The following PACRG variants were observed in gnomAD, a reference collection of about 807,000 sequenced individuals.
The protein encoded by PACRG is parkin coregulated.
PACRG carries 29 observed loss-of-function variants against 29.7 expected under a neutral mutation model. The ratio of observed to expected loss-of-function variants is 0.98; its 90% confidence interval spans 0.73 to 1.33. The LOEUF is 1.33. Ranked by LOEUF, PACRG falls within the 40% of genes most tolerant of loss-of-function variation. The pLI is 0.00. For synonymous variants in PACRG, 116 were observed against 118.7 expected, an observed-to-expected ratio of 0.98 and a Z score of 0.15; for missense variants, 279 against 316.2, an observed-to-expected ratio of 0.88 and a Z score of 0.89.
intron 4 of PACRG, among the ~76,000 whole-genome samples, chr6:163,218,113 G>A (rs770164918): frequency 5.3e-5 from 8 of 152,014 alleles, no homozygotes; most frequent in East Asian, 1.9e-4. Context: ...CATTCTTTGC[G>A]AATAAATTAG....
At chr6:163,189,299 G>A (rs1001787669) in intron 4 of PACRG, 1 of 152,192 alleles carries the variant, frequency 6.6e-6, no homozygotes, top group Non-Finnish European at 1.5e-5. Flanking sequence ...TTTAGTTAGT[G>A]CAATTCTGTA....
At chr6:162,795,298 T>C (rs1785284407) in intron 1 of PACRG, among the ~76,000 whole-genome samples, 1 of 152,182 alleles carries the variant, frequency 6.6e-6, no homozygotes, top group East Asian at 1.9e-4. Context: ...ACACTTATTC[T>C]TTCTTTTTTC....
chr6:162,969,168 G>C (rs767022657), intron 2 of PACRG, among the ~76,000 whole-genome samples: 16 of 151,560 alleles, frequency 1.1e-4, no homozygotes, highest in Non-Finnish European at 2.2e-4. Context: ...TGTAGTACTT[G>C]GTATAGATTT....
At chr6:162,822,140 C>T (rs1469152336) in intron 2 of PACRG, among the ~76,000 whole-genome samples, 3 of 152,140 alleles carry the variant, frequency 2.0e-5, no homozygotes, top group African/African-American at 7.2e-5. Context: ...CATACTGCCA[C>T]AGGAATTCTA....
intron 4 of PACRG, among the ~76,000 whole-genome samples, chr6:163,234,221 G>A (rs1005772367): frequency 2.2e-5 from 3 of 133,648 alleles, no homozygotes; most frequent in Non-Finnish European, 4.7e-5. Flanking sequence ...AATTTGATCT[G>A]CAATGTTTGA....
chr6:163,201,044 T>C (rs949143115), intron 4 of PACRG, among the ~76,000 whole-genome samples: 2 of 152,174 alleles, frequency 1.3e-5, no homozygotes, highest in African/African-American at 4.8e-5. Flanking sequence ...TGGCCACGGT[T>C]TCCTGTGCTC....
At chr6:163,098,755 C>A (rs1019400179) in intron 4 of PACRG, among the ~76,000 whole-genome samples, 1 of 152,106 alleles carries the variant, frequency 6.6e-6, no homozygotes, top group African/African-American at 2.4e-5. Flanking sequence ...ACAGAGCAGC[C>A]CCAAGGGCTG....
chr6:163,217,009 C>G (rs1412385409), intron 4 of PACRG, among the ~76,000 whole-genome samples: 1 of 152,154 alleles, frequency 6.6e-6, no homozygotes, highest in African/African-American at 2.4e-5. Context: ...TTTGAAATAC[C>G]CACAAGCATT....
At chr6:162,734,155 A>G (rs1779982438) in intron 1 of PACRG, among the ~76,000 whole-genome samples, 2 of 152,254 alleles carry the variant, frequency 1.3e-5, no homozygotes, top group Admixed American at 1.3e-4. Context: ...ATGATGTTAT[A>G]TAGATATTAA....
chr6:162,936,644 T>G (rs898567197), intron 2 of PACRG, among the ~76,000 whole-genome samples: 1 of 152,142 alleles, frequency 6.6e-6, no homozygotes, highest in Admixed American at 6.5e-5. Context: ...TCCATTATAA[T>G]TTTATATTTT....
intron 2 of PACRG, among the ~76,000 whole-genome samples, chr6:162,876,308 A>G (rs1439052248): frequency 6.6e-6 from 1 of 152,376 alleles, no homozygotes; most frequent in East Asian, 1.9e-4. Flanking sequence ...ACTGGAAACC[A>G]TCACTCTCTT....
intron 4 of PACRG, among the ~76,000 whole-genome samples, chr6:163,312,213 G>T (rs1055755486): frequency 2.6e-5 from 4 of 152,082 alleles, no homozygotes. Flanking sequence ...TATAATTTGG[G>T]GAGAAGGGGC....
intron 4 of PACRG, among the ~76,000 whole-genome samples, chr6:163,124,385 A>G (rs1016867609): frequency 1.3e-5 from 2 of 152,168 alleles, no homozygotes; most frequent in African/African-American, 2.4e-5. Context: ...AATACATAGA[A>G]TGTGACTTAA....
intron 4 of PACRG, among the ~76,000 whole-genome samples, chr6:163,256,590 GA>G (rs1490956073): frequency 6.6e-6 from 1 of 152,158 alleles, no homozygotes. Context: ...GATCCGTGAG[GA>G]AAACGTTCCA....
intron 2 of PACRG, among the ~76,000 whole-genome samples, chr6:162,950,137 A>AT (rs1471612101): frequency 2.6e-5 from 4 of 152,234 alleles, no homozygotes; most frequent in Admixed American, 2.6e-4. Context: ...TTTTGTTTCC[A>AT]TTTTTTCTTT....
chr6:162,979,762 T>A (rs1174929981), intron 2 of PACRG, among the ~76,000 whole-genome samples: 2 of 152,196 alleles, frequency 1.3e-5, no homozygotes, highest in Non-Finnish European at 1.5e-5. Context: ...CCTTTTGACT[T>A]ATTTTCCTGT....
intron 1 of PACRG, among the ~76,000 whole-genome samples, chr6:162,751,673 C>A (rs1472503323): frequency 6.6e-6 from 1 of 152,120 alleles, no homozygotes; most frequent in African/African-American, 2.4e-5. Flanking sequence ...TTTCTCTAGT[C>A]TAGGCCTAAA....
chr6:163,277,516 CATAT>C (rs1169490538), intron 4 of PACRG, among the ~76,000 whole-genome samples: 3 of 135,654 alleles, frequency 2.2e-5, no homozygotes, highest in Non-Finnish European at 3.2e-5. Flanking sequence ...CACACACACA[CATAT>C]ACACATATAT....
rs118144379 is a variant in PACRG, at chr6:163,304,467, C to A, written c.614-10360C>A. ...ACGATGAGGTTTATAACATAATTAC[C>A]ATGATCCTTTCCCCCCACGAGGTGG... On this transcript the variant is annotated intron_variant, in intron 4 of 4. Coordinates refer to ENST00000366888, the MANE Select transcript of PACRG (RefSeq NM_001080379.2). 3.9e-3 allele frequency among the ~76,000 whole-genome samples: 588 copies of A among 152,238 alleles called. 28 individuals are homozygous for A. The East Asian group carries it at 0.1, about 26-fold the overall frequency.
Sources: allele counts gnomAD v4.1 joint callset (sites outside exome capture counted in the v4.1 genomes callset), GRCh38; gene constraint gnomAD v4.1.1; transcripts MANE v1.5; gene names NCBI Gene and HGNC (gene_info 2026-07-23, HGNC 2026-07-21).